The following ATP8B4 variants were observed in gnomAD, a reference collection of about 807,000 sequenced individuals.
ATP8B4 encodes probable phospholipid-transporting ATPase IM.
In ATP8B4, 133 loss-of-function variants were observed where a neutral mutation model predicts 145.6. The ratio of observed to expected loss-of-function variants is 0.91; its 90% CI spans 0.79 to 1.05. ATP8B4 has a LOEUF of 1.05. ATP8B4 is among the 50% of genes least tolerant of loss of function. The probability of loss-of-function intolerance (pLI) is 0.00; values close to 1 mark genes in which losing one functional copy is unlikely to be tolerated. For missense variants in ATP8B4, 1,458 were observed against 1,425.2 expected (o/e 1.02, Z -0.37); for synonymous variants, 507 against 492.9 (o/e 1.03, Z -0.38).
chr15:49,868,545 G>C (rs1044295185), intron 25 of ATP8B4, among the ~76,000 whole-genome samples: 1 of 152,094 alleles, frequency 6.6e-6, no homozygotes, highest in African/African-American at 2.4e-5. Flanking sequence ...TTCTAGATGA[G>C]TAATAATGTA....
At chr15:49,917,885 T>C (rs1005590663) in intron 19 of ATP8B4, among the ~76,000 whole-genome samples, 6 of 152,188 alleles carry the variant, frequency 3.9e-5, no homozygotes, top group African/African-American at 1.4e-4. Flanking sequence ...TTAGTAATAA[T>C]AGAACGGCTG....
chr15:50,095,596 A>T (rs1255978725), intron 2 of ATP8B4, among the ~76,000 whole-genome samples: 1 of 152,110 alleles, frequency 6.6e-6, no homozygotes, highest in East Asian at 1.9e-4. Context: ...ATCTTTACAA[A>T]AAATTAAAAA....
At chr15:50,006,445 T>G (rs139436478) in intron 7 of ATP8B4, among the ~76,000 whole-genome samples, 104 of 136,846 alleles carry the variant, frequency 7.6e-4, no homozygotes, top group African/African-American at 2.8e-3. Flanking sequence ...AACTCTGACG[T>G]GAAGTTATAA....
intron 26 of ATP8B4, 84 bp from the exon 27 acceptor site, chr15:49,862,459 CTT>C (rs751951310): frequency 8.0e-4 from 910 of 1,133,140 alleles, no homozygotes; most frequent in East Asian, 1.4e-3. Flanking sequence ...CCTACAAGAT[CTT>C]TTTTTTTTTT....
At chr15:50,113,706 G>A (rs545097826) in intron 1 of ATP8B4, among the ~76,000 whole-genome samples, 27 of 152,070 alleles carry the variant, frequency 1.8e-4, no homozygotes, top group African/African-American at 6.5e-4. Flanking sequence ...GGGCGTGGTG[G>A]CACATGCCTG....
intron 1 of ATP8B4, among the ~76,000 whole-genome samples, chr15:50,118,527 T>C (rs998504382): frequency 1.3e-5 from 2 of 152,166 alleles, no homozygotes; most frequent in Non-Finnish European, 2.9e-5. Flanking sequence ...AGCTTCCAAT[T>C]AATGTTTTTC....
At position 49,917,058 on chromosome 15, in the gene ATP8B4, C is replaced by T; in HGVS notation, c.2036-19G>A. On this transcript the variant is annotated intron_variant, in intron 19 of 27. Transcript: ENST00000284509. ...GCAGTTTCTAACACAAAATAAAGCC[C>T]AATTCAGTTAAAATGTTACTTAATA... 2 of 1,607,712 alleles carry T rather than the reference C, an allele frequency of 1.2e-6. No homozygotes were observed. Among genetic ancestry groups the T allele is most frequent in the Non-Finnish European group, 1.7e-6 (2 of 1,174,466 alleles).
chr15:49,881,573 C>G (rs2035426586), intron 23 of ATP8B4, among the ~76,000 whole-genome samples: 1 of 152,108 alleles, frequency 6.6e-6, no homozygotes, highest in South Asian at 2.1e-4. Context: ...ATGAGAGAAC[C>G]TGCAGCAGCT....
intron 6 of ATP8B4, among the ~76,000 whole-genome samples, chr15:50,012,147 C>A (rs983011848): frequency 6.6e-6 from 1 of 152,110 alleles, no homozygotes; most frequent in African/African-American, 2.4e-5. Flanking sequence ...AGTTTGACAA[C>A]AATAGAAGAA....
chr15:50,093,066 G>C (rs1364398278), intron 2 of ATP8B4, among the ~76,000 whole-genome samples: 1 of 151,902 alleles, frequency 6.6e-6, no homozygotes, highest in Non-Finnish European at 1.5e-5. Flanking sequence ...TAAAGTGCCA[G>C]AAGAAAAGAG....
At chr15:50,118,851 T>C (rs371757763) in intron 1 of ATP8B4, among the ~76,000 whole-genome samples, 5 of 152,312 alleles carry the variant, frequency 3.3e-5, no homozygotes, top group African/African-American at 1.2e-4. Context: ...CTACTATCAT[T>C]GGTCATTTAA....
intron 14 of ATP8B4, among the ~76,000 whole-genome samples, chr15:49,942,260 AGTAAT>A (rs2153478293): frequency 6.6e-6 from 1 of 152,248 alleles, no homozygotes; most frequent in East Asian, 1.9e-4. Context: ...TACAAAAAAA[AGTAAT>A]GTACAGAAAA....
At chr15:49,900,370 C>A (rs777896658) in intron 21 of ATP8B4, among the ~76,000 whole-genome samples, 1 of 152,032 alleles carries the variant, frequency 6.6e-6, no homozygotes, top group Non-Finnish European at 1.5e-5. Context: ...TTGTCCAAAC[C>A]CTAAAGTGAA....
intron 15 of ATP8B4, 30 bp downstream of exon 15, chr15:49,933,987 T>C (rs781760269): frequency 4.8e-6 from 7 of 1,469,944 alleles, no homozygotes; most frequent in Non-Finnish European, 6.3e-6. Flanking sequence ...AAAAACAAGG[T>C]TCACCACTCA....
chr15:50,075,814 T>C (rs2054133131), intron 2 of ATP8B4, among the ~76,000 whole-genome samples: 2 of 152,240 alleles, frequency 1.3e-5, no homozygotes, highest in South Asian at 4.2e-4. Context: ...CCCAAAGTGG[T>C]ACTTTGAAAG....
At chr15:50,002,851 T>G (rs1310770870) in intron 7 of ATP8B4, among the ~76,000 whole-genome samples, 1 of 152,002 alleles carries the variant, frequency 6.6e-6, no homozygotes. Flanking sequence ...AGATACTGAG[T>G]AGTTTGGATT....
chr15:49,978,071 A>C (rs2045827156), intron 12 of ATP8B4, among the ~76,000 whole-genome samples: 1 of 152,198 alleles, frequency 6.6e-6, no homozygotes, highest in Non-Finnish European at 1.5e-5. Flanking sequence ...TCTCTTAAAA[A>C]AAAATCAATC....
rs28590156 is a variant in ATP8B4, at chr15:49,987,221, A to C, written c.748+170T>G. Among the ~76,000 whole-genome samples the C allele has an allele frequency of 9.4e-3, 1,436 of 152,296 alleles. 26 individuals are homozygous for C. The highest frequency in any genetic ancestry group is 0.033 in the African/African-American group (1,385 of 41,564). On this transcript the variant is annotated intron_variant, in intron 10 of 27. Coordinates refer to ENST00000284509, the MANE Select transcript of ATP8B4 (RefSeq NM_024837.4). ...AGCAGGGGCCACCTGGACTATTTTCAGAGCAATAGTGTTTTCTCCTGGCAT... is the reference window on the plus strand; with the variant it reads ...AGCAGGGGCCACCTGGACTATTTTCCGAGCAATAGTGTTTTCTCCTGGCAT...
intron 1 of ATP8B4, among the ~76,000 whole-genome samples, chr15:50,149,274 C>G (rs74396510): frequency 0.038 from 5,729 of 152,194 alleles, 159 homozygotes; most frequent in South Asian, 0.077. Context: ...AAGCATAAAA[C>G]ACAGAAGACA....
Sources: allele counts gnomAD v4.1 joint callset (sites outside exome capture counted in the v4.1 genomes callset), GRCh38; gene constraint gnomAD v4.1.1; transcripts MANE v1.5; gene names NCBI Gene and HGNC (gene_info 2026-07-23, HGNC 2026-07-21).